The following LHCGR variants were observed in gnomAD, a reference collection of about 807,000 sequenced individuals.
The protein encoded by LHCGR is lutropin-choriogonadotropic hormone receptor.
A neutral mutation model predicts 60.7 loss-of-function variants in LHCGR; 55 were observed. The ratio of observed to expected loss-of-function variants is 0.91; its 90% confidence interval spans 0.73 to 1.13. The LOEUF (loss-of-function observed/expected upper bound fraction) is 1.13. LHCGR is among the 50% of genes most tolerant of loss of function. LHCGR has a pLI of 0.00. For missense variants in LHCGR, 862 were observed against 836.0 expected (o/e 1.03, Z -0.38); for synonymous variants, 337 against 316.5 (o/e 1.06, Z -0.69).
intron 1 of LHCGR, chr2:48,732,761 C>T (rs2103639225): frequency 6.4e-6 from 3 of 468,638 alleles, no homozygotes; most frequent in Non-Finnish European, 1.3e-5. Context: ...AGCGGTTTAC[C>T]AGCCGTTCCT....
At chr2:48,743,827 G>A (rs920475568) in intron 1 of LHCGR, among the ~76,000 whole-genome samples, 2 of 151,936 alleles carry the variant, frequency 1.3e-5, no homozygotes, top group African/African-American at 2.4e-5. Flanking sequence ...CAACATAGTG[G>A]TGGAAGTTCT....
At chr2:48,741,181 T>C (rs1288053955) in intron 1 of LHCGR, among the ~76,000 whole-genome samples, 1 of 152,076 alleles carries the variant, frequency 6.6e-6, no homozygotes, top group Non-Finnish European at 1.5e-5. Context: ...CCAAGAAATA[T>C]GGGACTATGT....
chr2:48,729,364 T>A lies in LHCGR; in HGVS notation c.234-137A>T, dbSNP rs1489430210. 4.1e-6 allele frequency: 3 copies of A among 732,542 alleles called. No homozygotes were observed. The East Asian group carries it at 7.9e-5, about 19-fold the overall frequency. The allele number at this position is 732,542 out of a possible 1,614,324, so 45.4% of individuals were successfully genotyped here. ...CCTGAAAAGAACAAAGATGTGCAAG[T>A]TGTCCCCAAATCATACAGTGCTAAC... On this transcript the variant is annotated intron_variant, in intron 2 of 10. Transcript: ENST00000294954.
intron 1 of LHCGR, among the ~76,000 whole-genome samples, chr2:48,744,903 C>T (rs1212815124): frequency 1.3e-5 from 2 of 152,076 alleles, no homozygotes; most frequent in African/African-American, 2.4e-5. Flanking sequence ...TCAGAGGGAA[C>T]AGGCAACCTA....
At chr2:48,690,338 T>G (rs995910548) in intron 10 of LHCGR, among the ~76,000 whole-genome samples, 3 of 152,216 alleles carry the variant, frequency 2.0e-5, no homozygotes, top group African/African-American at 7.2e-5. Context: ...ATTCCTAGCA[T>G]GGCTCGTACA....
At chr2:48,692,976 G>A (rs916469628) in intron 10 of LHCGR, among the ~76,000 whole-genome samples, 2 of 152,146 alleles carry the variant, frequency 1.3e-5, no homozygotes, top group African/African-American at 2.4e-5. Context: ...ATTTGAGAAG[G>A]TTTATGGTGA....
At chr2:48,713,385 T>A (rs1028563536) in intron 7 of LHCGR, among the ~76,000 whole-genome samples, 1 of 152,120 alleles carries the variant, frequency 6.6e-6, no homozygotes, top group Non-Finnish European at 1.5e-5. Flanking sequence ...AATATGCCAC[T>A]CTTTTAGAAG....
intron 8 of LHCGR, among the ~76,000 whole-genome samples, chr2:48,699,947 A>G (rs1012562244): frequency 2.6e-5 from 4 of 152,226 alleles, no homozygotes; most frequent in Admixed American, 6.5e-5. Flanking sequence ...TCCAAGCAGC[A>G]CAGCTCCCCT....
At chr2:48,699,458 C>G (rs989641502) in intron 8 of LHCGR, among the ~76,000 whole-genome samples, 3 of 152,282 alleles carry the variant, frequency 2.0e-5, no homozygotes, top group African/African-American at 7.2e-5. Flanking sequence ...GAAATAACCA[C>G]TTGCTTTATG....
At chr2:48,701,106 G>C (rs986620624) in intron 8 of LHCGR, among the ~76,000 whole-genome samples, 1 of 152,032 alleles carries the variant, frequency 6.6e-6, no homozygotes, top group Admixed American at 6.5e-5. Context: ...GCAGGAAGGA[G>C]TTAGGAAATA....
intron 6 of LHCGR, among the ~76,000 whole-genome samples, chr2:48,715,748 A>G (rs111539047): frequency 5.3e-5 from 8 of 152,228 alleles, no homozygotes; most frequent in African/African-American, 1.9e-4. Context: ...ACAAACCAAC[A>G]TATAAATAAA....
chr2:48,722,752 T>C (rs1668557482), intron 6 of LHCGR, among the ~76,000 whole-genome samples: 2 of 152,172 alleles, frequency 1.3e-5, no homozygotes, highest in South Asian at 4.1e-4. Flanking sequence ...AAAACCTCTT[T>C]TCTTTATAAA....
Position 48,714,138 on chromosome 2 carries a change from A to G in LHCGR, c.537-84T>C, listed in dbSNP as rs543926433. 1.7e-4 allele frequency: 153 copies of G among 901,922 alleles called. 2 individuals are homozygous for G. In the South Asian group the frequency reaches 2.0e-3, roughly 12 times the overall value. 55.9% of individuals were successfully genotyped at this position (901,922 alleles called of 1,614,324 possible). ...ACACATTTTTCCTCCTGTAACATAT[A>G]TTACTAAGGTTATTACAGGCATTCA... is the stretch of plus-strand genomic sequence containing the variant. On this transcript the variant is annotated intron_variant, in intron 6 of 10. Transcript: ENST00000294954.
intron 1 of LHCGR, among the ~76,000 whole-genome samples, chr2:48,749,747 A>AC (rs1669871794): frequency 2.0e-5 from 3 of 150,666 alleles, no homozygotes; most frequent in Middle Eastern, 3.4e-3. Context: ...AAGAAGAAAA[A>AC]CCCAAGGAAT....
At chr2:48,743,328 C>A (rs1669557164) in intron 1 of LHCGR, among the ~76,000 whole-genome samples, 1 of 151,982 alleles carries the variant, frequency 6.6e-6, no homozygotes. Context: ...AGGGAATCCT[C>A]CCTAACTCAT....
intron 1 of LHCGR, among the ~76,000 whole-genome samples, chr2:48,754,838 C>T (rs1353095622): frequency 6.6e-6 from 1 of 152,134 alleles, no homozygotes; most frequent in Non-Finnish European, 1.5e-5. Flanking sequence ...GAAACAACGC[C>T]CTCCCCCAGG....
At position 48,688,750 on chromosome 2, in the gene LHCGR, A is replaced by C. The variant is rs1234583701; in HGVS notation, c.1047T>G (p.Ala349=). Residue 349 remains alanine, a synonymous_variant, in exon 11 of 11, where the codon GCT becomes GCG. Coordinates refer to ENST00000294954, the MANE Select transcript of LHCGR (RefSeq NM_000233.4). This position sits in a 1 kb window ranked among gnomAD's most constrained non-coding sequence, Gnocchi z 5.2. The part of the protein sequence containing the change: ...KTPRCAPEPD[A]FNPCEDIMGY... ...CCATAATATCTTCACAGGGATTAAA[A>C]GCATCTGGTTCAGGAGCACATCGGG... 6.2e-7 allele frequency: 1 copy of C among 1,614,068 alleles called. No individual in the cohort carries two copies. The highest frequency in any genetic ancestry group is 8.5e-7 in the Non-Finnish European group (1 of 1,180,008).
chr2:48,692,988 G>A (rs987535293), intron 10 of LHCGR, among the ~76,000 whole-genome samples: 1 of 152,196 alleles, frequency 6.6e-6, no homozygotes, highest in African/African-American at 2.4e-5. Context: ...TTATGGTGAG[G>A]ACTGGTGAGG....
Position 48,723,715 on chromosome 2 carries a change from TA to T in LHCGR, c.384-20del. The T allele has an allele frequency of 1.9e-6, 3 of 1,579,412 alleles. No homozygotes were observed. The highest frequency in any genetic ancestry group is 2.6e-6 in the Non-Finnish European group (3 of 1,148,540). Reference sequence around the variant, plus strand: ...GATGCTCCTGTGATTAGGGACAGGATAGTGGTGTGGGCAGAGAGTGGGTAAA... The same window carrying T: ...GATGCTCCTGTGATTAGGGACAGGATGTGGTGTGGGCAGAGAGTGGGTAAA... On this transcript the variant is annotated intron_variant, in intron 4 of 10. Transcript: ENST00000294954.
Sources: gnomAD v4.1 joint callset for allele counts (sites outside exome capture counted in the v4.1 genomes callset) on GRCh38, gnomAD v4.1.1 for gene constraint, Gnocchi (gnomAD v3.1) non-coding constraint, MANE v1.5 for transcripts, NCBI Gene and HGNC (gene_info 2026-07-23, HGNC 2026-07-21) for gene names.